C1QTNF7: variants seen among roughly 807,000 people sequenced by gnomAD.
C1QTNF7 encodes C1q and TNF related 7.
A neutral mutation model predicts 19.6 loss-of-function variants in C1QTNF7; 15 were observed. The ratio of observed to expected loss-of-function variants is 0.76; its 90% CI spans 0.51 to 1.18. The LOEUF (loss-of-function observed/expected upper bound fraction) is 1.18, where lower values mean the gene tolerates loss of function less well. C1QTNF7 is among the 50% of genes most tolerant of loss of function. C1QTNF7 has a pLI of 0.00. For missense variants in C1QTNF7, 324 were observed against 359.7 expected (o/e 0.90, Z 0.80); for synonymous variants, 142 against 137.5 (o/e 1.03, Z -0.23).
intron 1 of C1QTNF7, among the ~76,000 whole-genome samples, chr4:15,386,766 A>C (rs1352239744): frequency 6.6e-6 from 1 of 152,218 alleles, no homozygotes; most frequent in African/African-American, 2.4e-5. Context: ...AAAATGTCCC[A>C]TGGCAGGAGC....
chr4:15,359,888 A>T (rs1717276052), intron 1 of C1QTNF7, among the ~76,000 whole-genome samples: 1 of 152,088 alleles, frequency 6.6e-6, no homozygotes, highest in Non-Finnish European at 1.5e-5. Flanking sequence ...TGTGATAAAC[A>T]CAAGCAAGCC....
chr4:15,352,734 G>A (rs1291241247), intron 1 of C1QTNF7, among the ~76,000 whole-genome samples: 2 of 152,122 alleles, frequency 1.3e-5, no homozygotes, highest in Admixed American at 6.5e-5. Context: ...TTTTGGATAG[G>A]AGTGGCCATT....
rs573599272 is a variant in C1QTNF7, at chr4:15,432,355, G to A, written c.-8-3381G>A. Among the ~76,000 whole-genome samples the A allele has an allele frequency of 3.9e-5, 6 of 152,250 alleles. No homozygotes were observed. The East Asian group carries it at 7.7e-4, about 20-fold the overall frequency. On this transcript the variant is annotated intron_variant, in intron 1 of 2. Coordinates refer to ENST00000444304, the MANE Select transcript of C1QTNF7 (RefSeq NM_031911.5). The stretch of plus-strand genomic sequence containing the variant: ...AGTACTTGACTGACCAGTCACCATC[G>A]TGCCACTAGCATGCATCAGGCACCA...
rs757308711 is a variant in C1QTNF7, at chr4:15,442,450, AG to A, written c.524del (p.Gly175GlufsTer44). On this transcript the variant is annotated frameshift_variant, in exon 3 of 3. Coordinates refer to ENST00000444304, the MANE Select transcript of C1QTNF7 (RefSeq NM_031911.5). LOFTEE classifies it high-confidence loss of function. Reference protein sequence around the residue: ...PIIFNKVLFNEGEHYNPATGK... With the variant: ...PIIFNKVLFNXGEHYNPATGK... ...ATATTTAACAAGGTCCTCTTCAACG[AG>A]GGAGAGCACTACAACCCTGCCACAG... is the stretch of plus-strand genomic sequence containing the variant. 6.2e-7 allele frequency: 1 copy of A among 1,614,212 alleles called. No homozygotes were observed. The highest frequency in any genetic ancestry group is 8.5e-7 in the Non-Finnish European group (1 of 1,180,032).
At chr4:15,409,457 CA>C (rs1293876416) in intron 1 of C1QTNF7, among the ~76,000 whole-genome samples, 2 of 152,196 alleles carry the variant, frequency 1.3e-5, no homozygotes, top group Non-Finnish European at 2.9e-5. Flanking sequence ...TCAGGAAAGA[CA>C]AACTGGGGAT....
chr4:15,348,352 G>T (rs909021366), intron 1 of C1QTNF7, among the ~76,000 whole-genome samples: 3 of 152,118 alleles, frequency 2.0e-5, no homozygotes, highest in African/African-American at 7.2e-5. Flanking sequence ...CCTCTCCCTG[G>T]CTTGCTTTGA....
chr4:15,416,396 T>C (rs772916670), intron 1 of C1QTNF7, among the ~76,000 whole-genome samples: 2 of 152,176 alleles, frequency 1.3e-5, no homozygotes, highest in Non-Finnish European at 2.9e-5. Flanking sequence ...ACTCCCTCTG[T>C]TACCTTAGGC....
rs1043563058 is a variant in C1QTNF7 at position 15,433,194 on chromosome 4, T to G, written c.-8-2542T>G. On this transcript the variant is annotated intron_variant, in intron 1 of 2. Transcript: ENST00000444304. ...GACTATCTTCTATGAACCTTTATTTTTTTGGTAGAGATGGGGTCTTGCTAT... is the reference window on the plus strand; with the variant it reads ...GACTATCTTCTATGAACCTTTATTTGTTTGGTAGAGATGGGGTCTTGCTAT... 2.0e-5 allele frequency among the ~76,000 whole-genome samples: 3 copies of G among 152,300 alleles called. No individual in the cohort carries two copies. In the East Asian group the frequency reaches 5.8e-4, roughly 29 times the overall value.
At chr4:15,343,457 ATGTTCAACTT>A (rs1716616969) in intron 1 of C1QTNF7, among the ~76,000 whole-genome samples, 1 of 150,562 alleles carries the variant, frequency 6.6e-6, no homozygotes, top group Admixed American at 6.6e-5. Flanking sequence ...TTTTTTAACT[ATGTTCAACTT>A]TTAGGAGGAA....
chr4:15,358,726 A>T (rs563391342), intron 1 of C1QTNF7: 1 of 152,328 alleles, frequency 6.6e-6, no homozygotes, highest in South Asian at 2.1e-4. Context: ...GCTCTATTAG[A>T]GGACATACCA....
intron 1 of C1QTNF7, among the ~76,000 whole-genome samples, chr4:15,411,756 C>G (rs951742441): frequency 6.6e-6 from 1 of 152,174 alleles, no homozygotes; most frequent in African/African-American, 2.4e-5. Context: ...GAGCAGTTAC[C>G]ATCTTATGGT....
intron 1 of C1QTNF7, among the ~76,000 whole-genome samples, chr4:15,375,829 C>G (rs1717919043): frequency 6.6e-6 from 1 of 152,162 alleles, no homozygotes; most frequent in Non-Finnish European, 1.5e-5. Context: ...AATAATTGCC[C>G]TTAACTCTAG....
chr4:15,397,347 G>A (rs1718823803), intron 1 of C1QTNF7, among the ~76,000 whole-genome samples: 1 of 152,198 alleles, frequency 6.6e-6, no homozygotes, highest in Non-Finnish European at 1.5e-5. Flanking sequence ...CTCGGAGACT[G>A]TTCTCCCACA....
rs776448155 is a variant in C1QTNF7, at chr4:15,442,624, C to T, written c.695C>T (p.Ser232Leu). 19 of 1,614,032 alleles carry T rather than the reference C, an allele frequency of 1.2e-5. No individual in the cohort carries two copies. Among genetic ancestry groups the T allele is most frequent in the Middle Eastern group, 1.6e-4 (1 of 6,084 alleles). Residue 232 changes from serine (S) to leucine (L), a missense_variant, in exon 3 of 3, where the codon TCG (serine) becomes TTG (leucine). Physicochemically the swap from Ser to Leu is moderately radical, Grantham distance 145. Coordinates refer to ENST00000444304, the MANE Select transcript of C1QTNF7 (RefSeq NM_031911.5). ...AACACAGGAAACCATGATGTGGCTT[C>T]GGGGTCCACAGTCATCTATCTGCAG... ...DANTGNHDVASGSTVIYLQPE... is the reference protein window; with the variant it reads ...DANTGNHDVALGSTVIYLQPE...
chr4:15,350,456 C>T (rs2109287600), intron 1 of C1QTNF7, among the ~76,000 whole-genome samples: 1 of 123,982 alleles, frequency 8.1e-6, no homozygotes, highest in South Asian at 2.7e-4. Context: ...TGTAAAGTTA[C>T]TCATTTTCTT....
Position 15,442,231 on chromosome 4 carries a change from G to GTCCTCCTTGGTCCTCCTTGGGT in C1QTNF7, c.302_303insTCCTCCTTGGTCCTCCTTGGGT (p.Lys102ProfsTer74). The GTCCTCCTTGGTCCTCCTTGGGT allele has an allele frequency of 6.2e-7, 1 of 1,614,042 alleles. No homozygotes were observed. Among genetic ancestry groups the GTCCTCCTTGGTCCTCCTTGGGT allele is most frequent in the Non-Finnish European group, 8.5e-7 (1 of 1,180,008 alleles). On this transcript the variant is annotated frameshift_variant, in exon 3 of 3. Transcript: ENST00000444304. LOFTEE classifies it high-confidence loss of function. ...GAGAAAGGGGACCAAGGAGAGACTG[G>GTCCTCCTTGGTCCTCCTTGGGT]GAAGAAAGGACCCATAGGACCAGAG... is the stretch of plus-strand genomic sequence containing the variant.
At chr4:15,434,435 A>C (rs1439373573) in intron 1 of C1QTNF7, among the ~76,000 whole-genome samples, 2 of 152,238 alleles carry the variant, frequency 1.3e-5, no homozygotes, top group African/African-American at 4.8e-5. Flanking sequence ...GTCAAAAAAC[A>C]AAAGAAATTT....
chr4:15,429,778 T>G (rs1326271553), intron 1 of C1QTNF7, among the ~76,000 whole-genome samples: 2 of 152,232 alleles, frequency 1.3e-5, no homozygotes, highest in Non-Finnish European at 2.9e-5. Flanking sequence ...TTACTTCTTT[T>G]GGATATATGC....
Position 15,445,713 on chromosome 4 carries a change from A to G in C1QTNF7, c.*2914A>G, listed in dbSNP as rs1712968266. 1 of 152,260 alleles carries G rather than the reference A, an allele frequency of 6.6e-6. No individual in the cohort carries two copies. Among genetic ancestry groups the G allele is most frequent in the African/African-American group, 2.4e-5 (1 of 41,470 alleles). 9.4% of individuals were successfully genotyped at this position (152,260 alleles called of 1,614,324 possible). The stretch of plus-strand genomic sequence containing the variant: ...CACATTTGTAAATATTTGTATAAAG[A>G]AAGTAGCAAAACAGTTTTGGTTTAA... On this transcript the variant is annotated 3_prime_UTR_variant, in exon 3 of 3. Coordinates refer to ENST00000444304, the MANE Select transcript of C1QTNF7 (RefSeq NM_031911.5).
Sources: gnomAD v4.1 joint callset for allele counts (sites outside exome capture counted in the v4.1 genomes callset) on GRCh38, gnomAD v4.1.1 for gene constraint, MANE v1.5 for transcripts, NCBI Gene and HGNC (gene_info 2026-07-23, HGNC 2026-07-21) for gene names.